Variants in ARAP2 observed in about 807,000 individuals in gnomAD.
The protein encoded by ARAP2 is ArfGAP with RhoGAP domain, ankyrin repeat and PH domain 2.
ARAP2 carries 148 observed loss-of-function variants against 194.5 expected under a neutral mutation model. The observed-to-expected ratio is 0.76, with a 90% CI of 0.67 to 0.87. ARAP2 has a LOEUF of 0.87. Ranked by LOEUF, ARAP2 falls within the 40% of genes least tolerant of loss-of-function variation. ARAP2 has a pLI of 0.00. For missense variants in ARAP2, 2,128 were observed against 1,989.7 expected (o/e 1.07, Z -1.32); for synonymous variants, 695 against 683.5 (o/e 1.02, Z -0.26).
intron 5 of ARAP2, among the ~76,000 whole-genome samples, chr4:36,021,021 A>C (rs1026718685): frequency 1.3e-5 from 2 of 152,230 alleles, no homozygotes; most frequent in Non-Finnish European, 2.9e-5. Context: ...TGATTCAATT[A>C]GATCAGAAAA....
chr4:36,147,507 A>G (rs776105360), intron 18 of ARAP2, 41 bp downstream of exon 18: 3 of 1,579,894 alleles, frequency 1.9e-6, no homozygotes, highest in Admixed American at 1.8e-5. Flanking sequence ...TATGCAATAA[A>G]GAAAAGTGTT....
Position 36,214,407 on chromosome 4 carries a change from A to T in ARAP2, c.964+15T>A, listed in dbSNP as rs1445355067. 2 of 1,586,630 alleles carry T rather than the reference A, an allele frequency of 1.3e-6. No individual in the cohort carries two copies. Among genetic ancestry groups the T allele is most frequent in the Non-Finnish European group, 1.7e-6 (2 of 1,163,822 alleles). ...TGAGCTCTAATTTAAGGAGACATTA[A>T]ACACATAGACTCACTTTGCCATGCC... On this transcript the variant is annotated intron_variant, in intron 3 of 32. Transcript: ENST00000303965.
intron 11 of ARAP2, among the ~76,000 whole-genome samples, chr4:36,163,954 G>T (rs1479910108): frequency 6.6e-6 from 1 of 152,178 alleles, no homozygotes; most frequent in East Asian, 1.9e-4. Flanking sequence ...GTTGAATAGT[G>T]CTCTAGAAAA....
chr4:36,099,171 G>A (rs1020200400), intron 27 of ARAP2, among the ~76,000 whole-genome samples: 7 of 151,792 alleles, frequency 4.6e-5, no homozygotes, highest in East Asian at 3.9e-4. Context: ...TTCTGTTCCC[G>A]TGTTAGTTTG....
chr4:36,083,474 T>C (rs1730090872), intron 28 of ARAP2, 24 bp from the exon 29 acceptor site: 1 of 1,464,004 alleles, frequency 6.8e-7, no homozygotes, highest in Non-Finnish European at 9.3e-7. Flanking sequence ...AAATAATTTG[T>C]AATTAAATGG....
chr4:36,206,718 T>G (rs1053332345), intron 6 of ARAP2, among the ~76,000 whole-genome samples: 1 of 152,230 alleles, frequency 6.6e-6, no homozygotes, highest in Non-Finnish European at 1.5e-5. Context: ...CTGCACTAAA[T>G]GGAAGCTACA....
chr4:36,147,564 T>C lies in ARAP2; in HGVS notation c.3183A>G (p.Arg1061=). ...QEVQGDRMHL[R]RLQELTISTM... ...AGCTCTTACTTAGCTCTTGCAGTCT[T>C]CTTAAGTGCATTCTATCTCCCTGAA... Residue 1061 remains arginine, a synonymous_variant, in exon 18 of 33, where the codon AGA becomes AGG. Coordinates refer to ENST00000303965, the MANE Select transcript of ARAP2 (RefSeq NM_015230.4). 6.2e-7 allele frequency: 1 copy of C among 1,612,816 alleles called. No individual in the cohort carries two copies. Among genetic ancestry groups the C allele is most frequent in the South Asian group, 1.1e-5 (1 of 90,798 alleles).
Position 36,067,601 on chromosome 4 carries a change from C to A in ARAP2, c.*306G>T, listed in dbSNP as rs1327694999. On this transcript the variant is annotated 3_prime_UTR_variant, in exon 33 of 33. Coordinates refer to ENST00000303965, the MANE Select transcript of ARAP2 (RefSeq NM_015230.4). ...TACAGTACAGTTTGAGATTTCTGCT[C>A]ATAAATTATACCACTTAACAGACAA... The A allele has an allele frequency of 1.8e-5, 4 of 219,602 alleles. No individual in the cohort carries two copies. Among genetic ancestry groups the A allele is most frequent in the African/African-American group, 9.1e-5 (4 of 43,770 alleles). 13.6% of individuals were successfully genotyped at this position (219,602 alleles called of 1,614,324 possible). A position where few individuals can be genotyped will look rare whatever the true frequency, so the allele number is the denominator to read the frequency against.
At chr4:36,110,488 C>A (rs987150106) in intron 26 of ARAP2, among the ~76,000 whole-genome samples, 1 of 151,828 alleles carries the variant, frequency 6.6e-6, no homozygotes, top group South Asian at 2.1e-4. Flanking sequence ...AATTAAATTT[C>A]TTTCAAGATG....
intron 19 of ARAP2, among the ~76,000 whole-genome samples, chr4:36,136,485 G>A (rs1356915278): frequency 6.6e-6 from 1 of 151,534 alleles, no homozygotes; most frequent in Non-Finnish European, 1.5e-5. Context: ...TAACCATGAA[G>A]CATAAACAAT....
chr4:36,016,890 T>C (rs1715908758), intron 6 of ARAP2, among the ~76,000 whole-genome samples: 1 of 152,098 alleles, frequency 6.6e-6, no homozygotes, highest in Admixed American at 6.6e-5. Context: ...GGAGCCTCAT[T>C]CCATTTATGG....
At chr4:36,166,899 A>T (rs1242995003) in intron 10 of ARAP2, 33 bp downstream of exon 10, 1 of 1,360,740 alleles carries the variant, frequency 7.3e-7, no homozygotes, top group Non-Finnish European at 1.0e-6. Flanking sequence ...TTCCTATAGT[A>T]GTACGAACAC....
intron 6 of ARAP2, among the ~76,000 whole-genome samples, chr4:36,016,385 C>T (rs573933341): frequency 5.9e-5 from 9 of 152,190 alleles, no homozygotes; most frequent in South Asian, 4.1e-4. Flanking sequence ...CTGTGTTTAA[C>T]GTGTTGCTTC....
At chr4:36,108,462 A>T (rs1351633339) in intron 26 of ARAP2, among the ~76,000 whole-genome samples, 3 of 151,968 alleles carry the variant, frequency 2.0e-5, no homozygotes, top group Non-Finnish European at 2.9e-5. Context: ...CACTAAAATC[A>T]TTTACAAAAT....
At chr4:36,190,012 C>T (rs1419345531) in intron 7 of ARAP2, among the ~76,000 whole-genome samples, 1 of 152,138 alleles carries the variant, frequency 6.6e-6, no homozygotes, top group African/African-American at 2.4e-5. Flanking sequence ...ACTTCCTCCC[C>T]ACCACTCACC....
At chr4:36,156,378 A>AGGGGGG (rs1732381020) in intron 15 of ARAP2, among the ~76,000 whole-genome samples, 3 of 8,874 alleles carry the variant, frequency 3.4e-4, no homozygotes, top group South Asian at 7.0e-3. Flanking sequence ...AGGGAGGGGG[A>AGGGGGG]AAGAGAGAGA....
intron 6 of ARAP2, among the ~76,000 whole-genome samples, chr4:36,200,140 A>C (rs1744061176): frequency 6.6e-6 from 1 of 152,228 alleles, no homozygotes; most frequent in Non-Finnish European, 1.5e-5. Context: ...ACATTCAATT[A>C]GTTGTTTTCC....
intron 5 of ARAP2, among the ~76,000 whole-genome samples, chr4:36,039,608 AC>A (rs1218152095): frequency 6.6e-6 from 1 of 151,650 alleles, no homozygotes; most frequent in Non-Finnish European, 1.5e-5. Context: ...TCATACTCAC[AC>A]TCTAAATTTG....
At chr4:36,212,030 T>C (rs1228815803) in intron 5 of ARAP2, among the ~76,000 whole-genome samples, 5 of 37,400 alleles carry the variant, frequency 1.3e-4, no homozygotes, top group Non-Finnish European at 3.0e-4. Flanking sequence ...TATATTATAC[T>C]TGTAAAAGTC....
Sources: gnomAD v4.1 joint callset for allele counts (sites outside exome capture counted in the v4.1 genomes callset) on GRCh38, gnomAD v4.1.1 for gene constraint, MANE v1.5 for transcripts, NCBI Gene and HGNC (gene_info 2026-07-23, HGNC 2026-07-21) for gene names.